The following COMMD1 variants were observed in gnomAD, a reference collection of about 807,000 sequenced individuals.
COMMD1 encodes COMM domain-containing protein 1.
Under a neutral mutation model 17.2 loss-of-function variants are expected in COMMD1, and 10 were observed. That is an observed-to-expected ratio of 0.58 (90% confidence interval 0.36 to 0.99). The LOEUF is 0.99. Ranked by LOEUF, COMMD1 falls within the 50% of genes least tolerant of loss-of-function variation. The pLI, the probability that COMMD1 is intolerant of heterozygous loss-of-function variation, is 0.01. For synonymous variants in COMMD1, 97 were observed against 91.6 expected (o/e 1.06, Z -0.34); for missense variants, 270 against 231.8 (o/e 1.17, Z -1.07).
intron 1 of COMMD1, among the ~76,000 whole-genome samples, chr2:61,898,667 T>TA (rs1227726179): frequency 6.6e-6 from 1 of 152,062 alleles, no homozygotes; most frequent in African/African-American, 2.4e-5. Flanking sequence ...AAAACCTCAT[T>TA]AAAAAAACAC....
intron 2 of COMMD1, among the ~76,000 whole-genome samples, chr2:62,047,050 AC>A (rs199647746): frequency 0.011 from 1,676 of 152,332 alleles, 32 homozygotes; most frequent in African/African-American, 0.038. Context: ...CAGGAGAGTT[AC>A]GTGGTCCCTA....
intron 1 of COMMD1, among the ~76,000 whole-genome samples, chr2:61,906,799 C>G (rs1572948444): frequency 6.6e-6 from 1 of 151,992 alleles, no homozygotes; most frequent in East Asian, 1.9e-4. Flanking sequence ...AGAAACAGGT[C>G]CAGGGAATCT....
At chr2:61,900,018 T>G (rs1183533868) in intron 1 of COMMD1, among the ~76,000 whole-genome samples, 1 of 152,170 alleles carries the variant, frequency 6.6e-6, no homozygotes, top group East Asian at 1.9e-4. Context: ...CTTGTGAAGG[T>G]TAATTAGAGC....
chr2:62,071,321 G>A (rs897219427), intron 2 of COMMD1, among the ~76,000 whole-genome samples: 2 of 152,180 alleles, frequency 1.3e-5, no homozygotes, highest in African/African-American at 4.8e-5. Flanking sequence ...TAAGCAGTGA[G>A]GATGACCAGA....
At chr2:62,101,987 C>A (rs1201221044) in intron 2 of COMMD1, among the ~76,000 whole-genome samples, 1 of 152,288 alleles carries the variant, frequency 6.6e-6, no homozygotes, top group East Asian at 1.9e-4. Flanking sequence ...TTCTAACACT[C>A]AAATCATGCT....
chr2:61,913,894 G>C (rs990701217), intron 1 of COMMD1, among the ~76,000 whole-genome samples: 2 of 150,896 alleles, frequency 1.3e-5, no homozygotes, highest in Non-Finnish European at 2.9e-5. Context: ...GAACCCCCCT[G>C]GGTGCGGTGG....
intron 2 of COMMD1, among the ~76,000 whole-genome samples, chr2:62,135,626 C>T (rs1573225846): frequency 6.6e-6 from 1 of 152,212 alleles, no homozygotes; most frequent in East Asian, 1.9e-4. Context: ...GCTGGGATTA[C>T]AGGTGTGAGC....
intron 2 of COMMD1, among the ~76,000 whole-genome samples, chr2:62,130,358 T>C (rs1672997711): frequency 6.6e-6 from 1 of 150,898 alleles, no homozygotes; most frequent in Non-Finnish European, 1.5e-5. Flanking sequence ...CACTGCAACC[T>C]CCCTCTCCCA....
At chr2:61,921,506 C>A (rs559525135) in intron 1 of COMMD1, among the ~76,000 whole-genome samples, 87 of 152,130 alleles carry the variant, frequency 5.7e-4, no homozygotes, top group African/African-American at 2.1e-3. Context: ...TGCAGTGGCA[C>A]GATTTCTGCT....
chr2:61,974,436 G>A (rs990225747), intron 1 of COMMD1, among the ~76,000 whole-genome samples: 7 of 151,816 alleles, frequency 4.6e-5, no homozygotes, highest in African/African-American at 9.7e-5. Flanking sequence ...CACTTTTGGA[G>A]GCTGAGGCAG....
intron 1 of COMMD1, among the ~76,000 whole-genome samples, chr2:61,893,464 GC>G (rs1320761332): frequency 6.6e-6 from 1 of 152,002 alleles, no homozygotes; most frequent in Non-Finnish European, 1.5e-5. Flanking sequence ...TGAGTAAACA[GC>G]CAGGTTTTCT....
chr2:61,927,022 A>G (rs1670345298), intron 1 of COMMD1, among the ~76,000 whole-genome samples: 1 of 152,186 alleles, frequency 6.6e-6, no homozygotes, highest in Admixed American at 6.5e-5. Flanking sequence ...TCATTCAATA[A>G]AATAGAATAA....
chr2:61,908,090 G>T (rs1252495259), intron 1 of COMMD1, among the ~76,000 whole-genome samples: 1 of 152,192 alleles, frequency 6.6e-6, no homozygotes, highest in African/African-American at 2.4e-5. Context: ...GGTGTTGGGA[G>T]TAGGCAACAG....
chr2:62,097,817 C>G (rs1303797179), intron 2 of COMMD1, among the ~76,000 whole-genome samples: 2 of 152,116 alleles, frequency 1.3e-5, no homozygotes, highest in East Asian at 3.9e-4. Context: ...TCGACAAAGG[C>G]TCTGGTATTT....
rs112636394 is a variant in COMMD1, at chr2:61,963,469, G to T, written c.181-37232G>T. On this transcript the variant is annotated intron_variant, in intron 1 of 2. Coordinates refer to ENST00000311832, the MANE Select transcript of COMMD1 (RefSeq NM_152516.4). ...CCACCCCGGTTCAAACAATTCTCCT[G>T]TCTCAGCCTCCTGAGTGGTGCACAC... Among the ~76,000 whole-genome samples, 260 of 152,162 alleles carry T rather than the reference G, an allele frequency of 1.7e-3. 2 individuals are homozygous for T. The highest frequency in any genetic ancestry group is 5.9e-3 in the African/African-American group (247 of 41,524).
intron 2 of COMMD1, among the ~76,000 whole-genome samples, chr2:62,042,997 T>C (rs543848581): frequency 6.6e-6 from 1 of 152,396 alleles, no homozygotes; most frequent in Admixed American, 6.5e-5. Flanking sequence ...GTTGAGAAGA[T>C]TGTCTAGTAT....
chr2:61,956,166 G>T (rs1343830361), intron 1 of COMMD1, among the ~76,000 whole-genome samples: 1 of 152,112 alleles, frequency 6.6e-6, no homozygotes, highest in Non-Finnish European at 1.5e-5. Context: ...TGAGAAACAA[G>T]GTCTAATTTA....
intron 1 of COMMD1, among the ~76,000 whole-genome samples, chr2:61,978,106 T>C (rs528310300): frequency 1.2e-3 from 185 of 152,102 alleles, no homozygotes; most frequent in African/African-American, 4.2e-3. Flanking sequence ...GACCAGCCTG[T>C]GAAACATAGT....
At chr2:62,010,116 TAA>T (rs1669238876) in intron 2 of COMMD1, among the ~76,000 whole-genome samples, 1 of 152,200 alleles carries the variant, frequency 6.6e-6, no homozygotes, top group African/African-American at 2.4e-5. Context: ...TTTTCTTAGC[TAA>T]GTCTTTCCTT....
Sources: allele counts gnomAD v4.1 joint callset (sites outside exome capture counted in the v4.1 genomes callset), GRCh38; gene constraint gnomAD v4.1.1; transcripts MANE v1.5; gene names NCBI Gene and HGNC (gene_info 2026-07-23, HGNC 2026-07-21).